RGS6: variants seen among roughly 807,000 people sequenced by gnomAD.
The protein encoded by RGS6 is regulator of G protein signaling 6, also known as regulator of G-protein signaling 6.
A neutral mutation model predicts 78.5 loss-of-function variants in RGS6; 30 were observed. The ratio of observed to expected loss-of-function variants is 0.38; its 90% CI spans 0.29 to 0.52. The LOEUF (loss-of-function observed/expected upper bound fraction) is 0.52. RGS6 is among the 20% of genes least tolerant of loss of function. The pLI is 0.85. For missense variants in RGS6, 495 were observed against 609.7 expected, an observed-to-expected ratio of 0.81 and a Z score of 1.98; for synonymous variants, 206 against 206.0, an observed-to-expected ratio of 1.00 and a Z score of 0.00.
chr14:71,949,747 T>A (rs1469878653), intron 1 of RGS6, among the ~76,000 whole-genome samples: 2 of 151,714 alleles, frequency 1.3e-5, no homozygotes, highest in Admixed American at 1.3e-4. Flanking sequence ...CCTAAGGCTA[T>A]GAAGCTACTC....
At chr14:72,591,270 G>A in the RGS6 span, among the ~76,000 whole-genome samples, 1 of 151,008 alleles carries the variant, frequency 6.6e-6, no homozygotes, top group Non-Finnish European at 1.5e-5. Context: ...ATGAAGTGAA[G>A]GAAACAAAAT....
chr14:72,513,567 C>T (rs1289859559), intron 14 of RGS6, among the ~76,000 whole-genome samples: 1 of 152,222 alleles, frequency 6.6e-6, no homozygotes, highest in South Asian at 2.1e-4. Flanking sequence ...CTTGGGAATG[C>T]TCATGGCTTC....
the RGS6 span, among the ~76,000 whole-genome samples, chr14:72,573,220 A>G: frequency 6.6e-6 from 1 of 152,214 alleles, no homozygotes; most frequent in Admixed American, 6.5e-5. Flanking sequence ...GGTCAGCAGC[A>G]TAAGAGAGCT....
At chr14:72,342,290 G>A (rs1041248366) in intron 2 of RGS6, among the ~76,000 whole-genome samples, 4 of 152,140 alleles carry the variant, frequency 2.6e-5, no homozygotes, top group Non-Finnish European at 5.9e-5. Context: ...CAGAGGCCAG[G>A]TGTGGTAGCT....
chr14:72,270,785 C>A (rs1317180750), intron 2 of RGS6, among the ~76,000 whole-genome samples: 1 of 152,190 alleles, frequency 6.6e-6, no homozygotes, highest in African/African-American at 2.4e-5. Flanking sequence ...CGCAGTTACA[C>A]CTTTTCCCAA....
chr14:71,984,922 T>C (rs1169252163), intron 2 of RGS6, among the ~76,000 whole-genome samples: 2 of 152,000 alleles, frequency 1.3e-5, no homozygotes, highest in African/African-American at 2.4e-5. Context: ...AGAGAAAAAA[T>C]CTCACATATT....
chr14:72,540,128 C>T lies in RGS6; in HGVS notation c.1422+34C>T, dbSNP rs759756365. On this transcript the variant is annotated intron_variant, in intron 17 of 17. Transcript: ENST00000553525. ...AGTCGGTTTTCTTCCCTCAGCTTTTCTTTTGGTTTTGGTTTTTTCTTTCTT... is the reference window on the plus strand; with the variant it reads ...AGTCGGTTTTCTTCCCTCAGCTTTTTTTTTGGTTTTGGTTTTTTCTTTCTT... 25 of 1,543,062 alleles carry T rather than the reference C, an allele frequency of 1.6e-5. No individual in the cohort carries two copies. The South Asian group carries it at 2.1e-4, about 13-fold the overall frequency.
intron 2 of RGS6, among the ~76,000 whole-genome samples, chr14:72,184,303 T>C (rs2097209935): frequency 6.6e-6 from 1 of 151,644 alleles, no homozygotes; most frequent in South Asian, 2.1e-4. Flanking sequence ...CTTTAAGCTA[T>C]TAGTAAAACA....
chr14:72,397,878 G>A (rs905909028), intron 3 of RGS6, among the ~76,000 whole-genome samples: 2 of 152,134 alleles, frequency 1.3e-5, no homozygotes, highest in African/African-American at 4.8e-5. Flanking sequence ...TGTTGAACCA[G>A]CCTTGCATCC....
chr14:71,880,073 C>T, the RGS6 span, among the ~76,000 whole-genome samples: 2 of 152,176 alleles, frequency 1.3e-5, no homozygotes, highest in Non-Finnish European at 2.9e-5. Flanking sequence ...AAAGGTGGCT[C>T]TTGTTATGTT....
chr14:72,458,214 T>A, intron 4 of RGS6, 57 bp from the exon 5 acceptor site: 1 of 1,386,266 alleles, frequency 7.2e-7, no homozygotes, highest in Non-Finnish European at 1.0e-6. Flanking sequence ...CCAGCTTAAT[T>A]TTCAGCCAAA....
At chr14:72,628,260 A>G in the RGS6 span, among the ~76,000 whole-genome samples, 1 of 152,096 alleles carries the variant, frequency 6.6e-6, no homozygotes, top group Non-Finnish European at 1.5e-5. Context: ...TAAGGTACAA[A>G]TACTTTATCA....
intron 2 of RGS6, among the ~76,000 whole-genome samples, chr14:72,206,119 C>G (rs1280464981): frequency 3.9e-5 from 6 of 151,940 alleles, no homozygotes; most frequent in Non-Finnish European, 2.9e-5. Context: ...TATAATAGAC[C>G]AGGTAAATCA....
intron 2 of RGS6, among the ~76,000 whole-genome samples, chr14:72,331,738 C>G (rs1322270234): frequency 6.6e-6 from 1 of 152,146 alleles, no homozygotes; most frequent in Non-Finnish European, 1.5e-5. Context: ...CTTGGGCACC[C>G]TTCTTCAAGG....
intron 2 of RGS6, among the ~76,000 whole-genome samples, chr14:72,321,311 G>A (rs1205718254): frequency 2.0e-5 from 3 of 151,404 alleles, no homozygotes; most frequent in Admixed American, 2.0e-4. Context: ...TTTTAAAAAA[G>A]CAATAGAAAC....
chr14:71,954,801 C>A lies in RGS6; in HGVS notation c.-20-9971C>A, dbSNP rs913809646. Among the ~76,000 whole-genome samples the A allele has an allele frequency of 3.3e-5, 5 of 152,296 alleles. No individual in the cohort carries two copies. In the East Asian group the frequency reaches 7.7e-4, roughly 24 times the overall value. On this transcript the variant is annotated intron_variant, in intron 1 of 17. Transcript: ENST00000553525. ...AAAAATGTTTCCTTCTCTCTGGTTT[C>A]ATTACCATTTACTTTCTCCATTAGA...
chr14:72,153,855 G>A (rs887608128), intron 2 of RGS6, among the ~76,000 whole-genome samples: 19 of 152,250 alleles, frequency 1.2e-4, no homozygotes, highest in African/African-American at 2.9e-4. Context: ...AGTGGTGCAC[G>A]TATTATCTTG....
Position 72,146,821 on chromosome 14 carries a change from C to T in RGS6, c.84+181946C>T, listed in dbSNP as rs114230933. Among the ~76,000 whole-genome samples the T allele has an allele frequency of 3.1e-3, 477 of 152,228 alleles. 2 individuals carry two copies. Among genetic ancestry groups the T allele is most frequent in the African/African-American group, 0.011 (463 of 41,558 alleles). ...TTACAAATTTGTCTTTAAATCATTT[C>T]CTTCTTATTTTACTGTAAGTGGCTG... On this transcript the variant is annotated intron_variant, in intron 2 of 17. Coordinates refer to ENST00000553525, the MANE Select transcript of RGS6 (RefSeq NM_001204424.2).
intron 11 of RGS6, among the ~76,000 whole-genome samples, chr14:72,477,479 T>C (rs17116278): frequency 0.011 from 1,422 of 130,464 alleles, 29 homozygotes; most frequent in African/African-American, 0.042. Flanking sequence ...TAAGAGGTAA[T>C]GGATATATGA....
Sources: allele counts gnomAD v4.1 joint callset (sites outside exome capture counted in the v4.1 genomes callset), GRCh38; gene constraint gnomAD v4.1.1; transcripts MANE v1.5; gene names NCBI Gene and HGNC (gene_info 2026-07-23, HGNC 2026-07-21).